The following THEMIS variants were observed in gnomAD, a reference collection of about 807,000 sequenced individuals.
The protein encoded by THEMIS is thymocyte selection associated.
THEMIS carries 37 observed loss-of-function variants against 52.6 expected under a neutral mutation model. That is an observed-to-expected ratio of 0.70 (90% CI 0.54 to 0.93). The LOEUF is 0.93. Among genes scored for constraint, THEMIS ranks in the 40% least tolerant of loss-of-function variants. The pLI is 0.00. For missense variants in THEMIS, 808 were observed against 763.1 expected (o/e 1.06, Z -0.69); for synonymous variants, 292 against 272.7 (o/e 1.07, Z -0.70).
chr6:127,767,814 G>A (rs1776252241), intron 4 of THEMIS, among the ~76,000 whole-genome samples: 1 of 150,558 alleles, frequency 6.6e-6, no homozygotes, highest in South Asian at 2.1e-4. Flanking sequence ...AATGCAGTAG[G>A]TTTATTTAAA....
intron 4 of THEMIS, among the ~76,000 whole-genome samples, chr6:127,726,507 A>G (rs1043777867): frequency 6.6e-6 from 1 of 152,138 alleles, no homozygotes; most frequent in African/African-American, 2.4e-5. Context: ...TTTATACTTC[A>G]CTTTCAAGAT....
intron 4 of THEMIS, among the ~76,000 whole-genome samples, chr6:127,808,299 T>C (rs1207270085): frequency 6.6e-6 from 1 of 152,182 alleles, no homozygotes; most frequent in Non-Finnish European, 1.5e-5. Context: ...CGTAGCTATA[T>C]ATATCCACGA....
At chr6:127,796,044 A>G (rs1777320840) in intron 4 of THEMIS, among the ~76,000 whole-genome samples, 1 of 152,220 alleles carries the variant, frequency 6.6e-6, no homozygotes. Context: ...TTCACAGATT[A>G]AAAAGTTAAA....
chr6:127,710,115 T>C, intron 5 of THEMIS, 99 bp from the exon 6 acceptor site: 5 of 723,464 alleles, frequency 6.9e-6, no homozygotes, highest in South Asian at 2.1e-5. Flanking sequence ...CACATGCATA[T>C]GGTTTTTGAG....
chr6:127,747,301 T>C (rs1775479000), intron 4 of THEMIS, among the ~76,000 whole-genome samples: 1 of 133,854 alleles, frequency 7.5e-6, no homozygotes, highest in Non-Finnish European at 1.7e-5. Context: ...TATCTGTTAA[T>C]GGTATATAAT....
chr6:127,741,482 A>C (rs1408486065), intron 4 of THEMIS, among the ~76,000 whole-genome samples: 1 of 152,220 alleles, frequency 6.6e-6, no homozygotes. Flanking sequence ...AGATGCAAAA[A>C]TAAACCAAAG....
At chr6:127,842,989 C>T (rs1336680793) in intron 2 of THEMIS, among the ~76,000 whole-genome samples, 1 of 151,938 alleles carries the variant, frequency 6.6e-6, no homozygotes, top group Non-Finnish European at 1.5e-5. Flanking sequence ...TTAAGAGTTT[C>T]CTGACAACTT....
At chr6:127,752,915 G>A (rs1017856086) in intron 4 of THEMIS, among the ~76,000 whole-genome samples, 2 of 151,832 alleles carry the variant, frequency 1.3e-5, no homozygotes, top group South Asian at 4.1e-4. Flanking sequence ...TGTAAAAATT[G>A]TCAACAAAAT....
chr6:127,897,928 T>C (rs903216230), intron 1 of THEMIS, among the ~76,000 whole-genome samples: 1 of 151,506 alleles, frequency 6.6e-6, no homozygotes, highest in Admixed American at 6.6e-5. Flanking sequence ...ATTCATCTAA[T>C]GGAATAACAT....
intron 4 of THEMIS, among the ~76,000 whole-genome samples, chr6:127,797,134 G>A (rs1777356752): frequency 1.3e-5 from 2 of 152,168 alleles, no homozygotes; most frequent in South Asian, 2.1e-4. Context: ...TCCTGCATCC[G>A]TGCACTAACC....
intron 1 of THEMIS, among the ~76,000 whole-genome samples, chr6:127,913,876 A>G (rs1236826303): frequency 1.3e-5 from 2 of 152,174 alleles, no homozygotes; most frequent in African/African-American, 4.8e-5. Flanking sequence ...TAATTGGGAG[A>G]AAATATTGCT....
At chr6:127,701,742 T>C in the THEMIS span, among the ~76,000 whole-genome samples, 1 of 152,192 alleles carries the variant, frequency 6.6e-6, no homozygotes. Flanking sequence ...GGTAGGTTTA[T>C]AATGATATAT....
rs117500034 is a variant in THEMIS at position 127,782,745 on chromosome 6, C to A, written c.1758+30138G>T. Among the ~76,000 whole-genome samples, 168 of 152,068 alleles carry A rather than the reference C, an allele frequency of 1.1e-3. 1 individual carries two copies. In the East Asian group the frequency reaches 0.025, roughly 22 times the overall value. On this transcript the variant is annotated intron_variant, in intron 4 of 5. Transcript: ENST00000368248. Reference sequence around the variant, plus strand: ...GTAGACTTGAGCTGTTCCTATTTGGCCATACTCCACCTCCTCTTCCATGCT... The same window carrying A: ...GTAGACTTGAGCTGTTCCTATTTGGACATACTCCACCTCCTCTTCCATGCT...
intron 1 of THEMIS, among the ~76,000 whole-genome samples, chr6:127,890,646 C>G (rs1241527544): frequency 6.6e-6 from 1 of 152,110 alleles, no homozygotes; most frequent in Non-Finnish European, 1.5e-5. Flanking sequence ...ATCCTAATTA[C>G]TCTAACTTGA....
At chr6:127,873,948 C>T (rs1213707842) in intron 1 of THEMIS, among the ~76,000 whole-genome samples, 1 of 152,200 alleles carries the variant, frequency 6.6e-6, no homozygotes, top group African/African-American at 2.4e-5. Context: ...GCCATGGCTG[C>T]AGACCTCAAT....
intron 2 of THEMIS, among the ~76,000 whole-genome samples, chr6:127,837,228 A>G (rs574618392): frequency 6.6e-6 from 1 of 152,064 alleles, no homozygotes; most frequent in Non-Finnish European, 1.5e-5. Flanking sequence ...AGAATAATAG[A>G]CCAACTACTG....
intron 1 of THEMIS, among the ~76,000 whole-genome samples, chr6:127,877,387 C>CT (rs1780346145): frequency 6.6e-6 from 1 of 152,146 alleles, no homozygotes; most frequent in Non-Finnish European, 1.5e-5. Flanking sequence ...AGCCTTTAGC[C>CT]TATATTGGCT....
chr6:127,905,769 C>A (rs1781253225), upstream of THEMIS, among the ~76,000 whole-genome samples: 1 of 151,648 alleles, frequency 6.6e-6, no homozygotes, highest in Non-Finnish European at 1.5e-5. Flanking sequence ...TGTTTAATAT[C>A]AGAGTTAAAT....
chr6:127,880,843 T>A (rs1780463408), intron 1 of THEMIS, among the ~76,000 whole-genome samples: 1 of 152,136 alleles, frequency 6.6e-6, no homozygotes, highest in South Asian at 2.1e-4. Context: ...AAAAAAGTAT[T>A]TTTAAGTAAT....
Sources: gnomAD v4.1 joint callset for allele counts (sites outside exome capture counted in the v4.1 genomes callset) on GRCh38, gnomAD v4.1.1 for gene constraint, MANE v1.5 for transcripts, NCBI Gene and HGNC (gene_info 2026-07-23, HGNC 2026-07-21) for gene names.